Variants in CNTLN observed in about 807,000 individuals in gnomAD.
The protein encoded by CNTLN is centlein, also known as centlein, centrosomal protein.
Under a neutral mutation model 180.0 loss-of-function variants are expected in CNTLN, and 212 were observed. The observed-to-expected ratio is 1.18, with a 90% CI of 1.05 to 1.32. The LOEUF is 1.32. CNTLN is among the 40% of genes most tolerant of loss of function. The probability of loss-of-function intolerance (pLI) is 0.00; values close to 1 mark genes in which losing one functional copy is unlikely to be tolerated. For missense variants in CNTLN, 2,095 were observed against 1,610.9 expected (o/e 1.30, Z -5.14); for synonymous variants, 722 against 563.1 (o/e 1.28, Z -3.99).
At chr9:17,385,353 A>C (rs1825605382) in intron 13 of CNTLN, among the ~76,000 whole-genome samples, 1 of 152,132 alleles carries the variant, frequency 6.6e-6, no homozygotes. Context: ...CCCTCTGCAG[A>C]GGCCTGGTGG....
At chr9:17,379,052 ATT>A (rs35438339) in intron 13 of CNTLN, among the ~76,000 whole-genome samples, 8 of 149,220 alleles carry the variant, frequency 5.4e-5, no homozygotes, top group African/African-American at 1.2e-4. Context: ...ACATTGACAG[ATT>A]TTTTTTTTTC....
chr9:17,211,818 T>C (rs1823336760), intron 2 of CNTLN, among the ~76,000 whole-genome samples: 1 of 152,194 alleles, frequency 6.6e-6, no homozygotes, highest in Admixed American at 6.5e-5. Context: ...TTTGAAGCAA[T>C]TGTGAATGGG....
At chr9:17,290,123 T>C (rs1434287202) in intron 6 of CNTLN, among the ~76,000 whole-genome samples, 1 of 152,168 alleles carries the variant, frequency 6.6e-6, no homozygotes, top group Non-Finnish European at 1.5e-5. Flanking sequence ...TTCTGTTTTT[T>C]CCCCATCTTT....
intron 9 of CNTLN, 58 bp from the exon 10 acceptor site, chr9:17,332,547 T>C: frequency 1.3e-6 from 2 of 1,508,890 alleles, no homozygotes; most frequent in Non-Finnish European, 1.8e-6. Flanking sequence ...TAATTTTGCA[T>C]GTCTTTCATA....
intron 18 of CNTLN, among the ~76,000 whole-genome samples, chr9:17,442,829 A>T (rs1369877661): frequency 6.6e-6 from 1 of 152,220 alleles, no homozygotes. Flanking sequence ...CAGTTGTAAG[A>T]GGGAAGTTTA....
chr9:17,222,216 T>A (rs1824183097), intron 2 of CNTLN, among the ~76,000 whole-genome samples: 1 of 152,088 alleles, frequency 6.6e-6, no homozygotes, highest in South Asian at 2.1e-4. Flanking sequence ...CTCTGAAGAG[T>A]ACTTTTCAGT....
intron 8 of CNTLN, 33 bp from the exon 9 acceptor site, chr9:17,330,599 G>GAT: frequency 1.7e-6 from 2 of 1,152,166 alleles, no homozygotes; most frequent in Non-Finnish European, 2.5e-6. Flanking sequence ...TACAAACATA[G>GAT]ATATCTATTT....
chr9:17,295,667 A>T (rs1363088744), intron 6 of CNTLN, among the ~76,000 whole-genome samples: 3 of 152,006 alleles, frequency 2.0e-5, no homozygotes, highest in Non-Finnish European at 4.4e-5. Context: ...TTATTTTCAA[A>T]TGAGGAAAGA....
intron 23 of CNTLN, among the ~76,000 whole-genome samples, chr9:17,470,471 C>G (rs1831994775): frequency 6.6e-6 from 1 of 151,786 alleles, no homozygotes; most frequent in African/African-American, 2.4e-5. Context: ...TCTATGTTCC[C>G]TTTAGTCTTT....
At position 17,309,167 on chromosome 9, in the gene CNTLN, A is replaced by G; in HGVS notation, c.1256A>G (p.Asn419Ser). The change falls in exon 8 of 26, where the codon AAT becomes AGT. Residue 419 changes from asparagine (N) to serine (S), a missense_variant. Asn to Ser is a conservative substitution (Grantham distance 46). Transcript: ENST00000380647. ...QDQLLQKEQE[N>S]AKLKEKLQES... ...CAGCTATTACAAAAAGAGCAAGAAA[A>G]TGCTAAGTTAAAAGAAAAACTTCAG... 1.2e-6 allele frequency: 2 copies of G among 1,610,890 alleles called. No homozygotes were observed.
the CNTLN span, among the ~76,000 whole-genome samples, chr9:17,523,512 C>CAGGTG: frequency 5.9e-5 from 9 of 152,304 alleles, no homozygotes; most frequent in East Asian, 1.7e-3. Context: ...GCTGGGATTA[C>CAGGTG]AGGTGTGCGC....
chr9:17,223,601 C>G lies in CNTLN; in HGVS notation c.450-2602C>G, dbSNP rs1444865727. ...AAAAATATCCAAAATTTAATCACTT[C>G]TCAATGCCACTGCATCTGCCTATCA... On this transcript the variant is annotated intron_variant, in intron 2 of 25. Coordinates refer to ENST00000380647, the MANE Select transcript of CNTLN (RefSeq NM_017738.4). Among the ~76,000 whole-genome samples the G allele has an allele frequency of 2.0e-5, 3 of 152,054 alleles. 1 individual carries two copies. The highest frequency in any genetic ancestry group is 4.1e-4 in the South Asian group (2 of 4,830).
intron 15 of CNTLN, among the ~76,000 whole-genome samples, 172 bp downstream of exon 15, chr9:17,395,241 A>T (rs1826429649): frequency 6.6e-6 from 1 of 152,214 alleles, no homozygotes; most frequent in South Asian, 2.1e-4. Flanking sequence ...TGAAATTTGC[A>T]TGCAAAATTA....
intron 2 of CNTLN, among the ~76,000 whole-genome samples, chr9:17,192,431 G>T (rs1172059091): frequency 2.6e-5 from 4 of 151,754 alleles, no homozygotes; most frequent in Non-Finnish European, 5.9e-5. Context: ...TAGAGATGGG[G>T]TTTCACCACA....
chr9:17,237,764 C>T (rs1174023660), intron 5 of CNTLN, among the ~76,000 whole-genome samples: 1 of 151,250 alleles, frequency 6.6e-6, no homozygotes, highest in Non-Finnish European at 1.5e-5. Flanking sequence ...TGTGTATATG[C>T]ATGTGTGCAA....
intron 23 of CNTLN, among the ~76,000 whole-genome samples, chr9:17,472,599 T>C (rs540568023): frequency 6.6e-6 from 1 of 152,230 alleles, no homozygotes; most frequent in Non-Finnish European, 1.5e-5. Flanking sequence ...CATTTGGAAA[T>C]GTATGTGGGT....
chr9:17,257,924 G>C (rs1462133927), intron 5 of CNTLN, among the ~76,000 whole-genome samples: 1 of 140,268 alleles, frequency 7.1e-6, no homozygotes, highest in Admixed American at 7.1e-5. Flanking sequence ...CCATTTTGTG[G>C]GTTGCCTGTT....
chr9:17,435,316 C>G (rs929492936), intron 18 of CNTLN, among the ~76,000 whole-genome samples: 18 of 152,158 alleles, frequency 1.2e-4, no homozygotes, highest in African/African-American at 4.3e-4. Context: ...AAAGCCCTTA[C>G]TGTTCCAATA....
In CNTLN at chr9:17,154,531, C is replaced by T. The variant is rs1418988078; in HGVS notation, c.449+11155C>T. Among the ~76,000 whole-genome samples the T allele has an allele frequency of 2.6e-5, 4 of 152,322 alleles. No homozygotes were observed. In the Middle Eastern group the frequency reaches 0.01, roughly 389 times the overall value. ...CTGGAAGCTTCGACCCAGTGGGGCA[C>T]CTGCCAGATGCCAGCCAGAACTCTC... On this transcript the variant is annotated intron_variant, in intron 2 of 25. Transcript: ENST00000380647.
Sources: gnomAD v4.1 joint callset for allele counts (sites outside exome capture counted in the v4.1 genomes callset) on GRCh38, gnomAD v4.1.1 for gene constraint, MANE v1.5 for transcripts, NCBI Gene and HGNC (gene_info 2026-07-23, HGNC 2026-07-21) for gene names.